MOSMO: variants seen among roughly 807,000 people sequenced by gnomAD.
MOSMO encodes modulator of smoothened protein.
Under a neutral mutation model 18.4 loss-of-function variants are expected in MOSMO, and 5 were observed. The ratio of observed to expected loss-of-function variants is 0.27; its 90% CI spans 0.14 to 0.57. MOSMO has a LOEUF of 0.57. Among genes scored for constraint, MOSMO ranks in the 20% least tolerant of loss-of-function variants. The pLI is 0.92. For synonymous variants in MOSMO, 82 were observed against 82.3 expected (o/e 1.00, Z 0.02); for missense variants, 138 against 211.8 (o/e 0.65, Z 2.16).
chr16:22,052,498 A>G (rs1436214540), intron 1 of MOSMO, among the ~76,000 whole-genome samples: 4 of 152,230 alleles, frequency 2.6e-5, no homozygotes, highest in Non-Finnish European at 4.4e-5. Context: ...ATAACCTACC[A>G]GTTTTACTTA....
intron 1 of MOSMO, among the ~76,000 whole-genome samples, chr16:22,027,756 CT>C (rs1340262227): frequency 6.6e-6 from 1 of 152,170 alleles, no homozygotes; most frequent in Non-Finnish European, 1.5e-5. Flanking sequence ...AGAAAGCAAG[CT>C]GCTAAACACC....
intron 1 of MOSMO, among the ~76,000 whole-genome samples, chr16:22,060,198 A>G (rs1900614582): frequency 6.6e-6 from 1 of 152,070 alleles, no homozygotes; most frequent in Non-Finnish European, 1.5e-5. Flanking sequence ...GAAAAATTGG[A>G]CTCAAAATAT....
chr16:22,035,616 T>C (rs1900092719), intron 1 of MOSMO, among the ~76,000 whole-genome samples: 1 of 152,200 alleles, frequency 6.6e-6, no homozygotes, highest in South Asian at 2.1e-4. Context: ...TCCGCACCTA[T>C]AACTTGTGAT....
downstream of MOSMO, chr16:22,084,732 T>C (rs1901140197): frequency 6.6e-6 from 1 of 152,194 alleles, no homozygotes; most frequent in Non-Finnish European, 1.5e-5. Context: ...CAAGTGCCAC[T>C]TCCATGCCTC....
intron 1 of MOSMO, among the ~76,000 whole-genome samples, chr16:22,009,711 A>G (rs1899478201): frequency 7.0e-6 from 1 of 143,262 alleles, no homozygotes; most frequent in South Asian, 2.3e-4. Context: ...CTGTAATCCC[A>G]GCACTTTGGG....
Position 22,080,955 on chromosome 16 carries a change from C to T in MOSMO, c.*75C>T. ...TTTTATTTTTGGAGGGTGGAGAGGACAAAGGCGAGGCATCTGAGCAGGCCT... is the reference window on the plus strand; with the variant it reads ...TTTTATTTTTGGAGGGTGGAGAGGATAAAGGCGAGGCATCTGAGCAGGCCT... On this transcript the variant is annotated 3_prime_UTR_variant, in exon 3 of 3. Coordinates refer to ENST00000542527, the MANE Select transcript of MOSMO (RefSeq NM_001164579.2). 1 of 687,296 alleles carries T rather than the reference C, an allele frequency of 1.5e-6. No individual in the cohort carries two copies. Among genetic ancestry groups the T allele is most frequent in the Non-Finnish European group, 2.1e-6 (1 of 484,868 alleles). The allele number at this position is 687,296 out of a possible 1,614,324, so 42.6% of individuals were successfully genotyped here. A position where few individuals can be genotyped will look rare whatever the true frequency, so the allele number is the denominator to read the frequency against.
chr16:22,083,685 A>C lies in MOSMO; in HGVS notation c.*2805A>C, dbSNP rs1244340345. ...GTTTCATTGTTTTTAGAGTGTGTGC[A>C]TTCTTCTCATACCTAAGAATATCAC... On this transcript the variant is annotated 3_prime_UTR_variant, in exon 3 of 3. Transcript: ENST00000542527. 2.2e-6 allele frequency: 1 copy of C among 453,834 alleles called. No individual in the cohort carries two copies. Among genetic ancestry groups the C allele is most frequent in the Non-Finnish European group, 4.4e-6 (1 of 226,262 alleles). The allele number at this position is 453,834 out of a possible 1,614,324, so 28.1% of individuals were successfully genotyped here.
chr16:22,069,680 TC>T lies in MOSMO; in HGVS notation c.107-5806del, dbSNP rs575209790. On this transcript the variant is annotated intron_variant, in intron 1 of 2. Coordinates refer to ENST00000542527, the MANE Select transcript of MOSMO (RefSeq NM_001164579.2). ...TGGAGTGAGTGAGCTTCACAAGAGCTCTATCAAAATGGTAGTTGGGGCAAAA... is the reference window on the plus strand; with the variant it reads ...TGGAGTGAGTGAGCTTCACAAGAGCTTATCAAAATGGTAGTTGGGGCAAAA... 5.3e-3 allele frequency among the ~76,000 whole-genome samples: 811 copies of T among 152,236 alleles called. 4 individuals carry two copies. The highest frequency in any genetic ancestry group is 0.01 in the Middle Eastern group (3 of 294).
chr16:22,059,772 G>T (rs939553610), intron 1 of MOSMO, among the ~76,000 whole-genome samples: 1 of 150,274 alleles, frequency 6.7e-6, no homozygotes, highest in Non-Finnish European at 1.5e-5. Context: ...CAACATGTGG[G>T]GATTATGGGG....
chr16:22,049,482 A>G (rs1900380812), intron 1 of MOSMO, among the ~76,000 whole-genome samples: 1 of 151,968 alleles, frequency 6.6e-6, no homozygotes, highest in Non-Finnish European at 1.5e-5. Flanking sequence ...TATACTTTTG[A>G]TGTTCTGTAT....
chr16:22,019,868 A>G (rs187357003), intron 1 of MOSMO, among the ~76,000 whole-genome samples: 1 of 152,290 alleles, frequency 6.6e-6, no homozygotes, highest in Admixed American at 6.5e-5. Flanking sequence ...AAATTGCTAC[A>G]TATCAAATTA....
intron 1 of MOSMO, among the ~76,000 whole-genome samples, chr16:22,023,905 C>T (rs1899816320): frequency 6.6e-6 from 1 of 151,278 alleles, no homozygotes. Flanking sequence ...AACCTGTTTT[C>T]TCTTGTATAG....
chr16:22,089,770 T>C (rs1281545722), downstream of MOSMO, among the ~76,000 whole-genome samples: 1 of 152,102 alleles, frequency 6.6e-6, no homozygotes, highest in Non-Finnish European at 1.5e-5. Flanking sequence ...AACTCCTGTG[T>C]CTGGACTCTT....
chr16:22,024,688 A>G (rs1899839516), intron 1 of MOSMO, among the ~76,000 whole-genome samples: 1 of 152,184 alleles, frequency 6.6e-6, no homozygotes, highest in East Asian at 1.9e-4. Context: ...ATAGTGGGAA[A>G]GTTATGATAC....
chr16:22,071,359 C>A (rs76332604), intron 1 of MOSMO, among the ~76,000 whole-genome samples: 1 of 152,186 alleles, frequency 6.6e-6, no homozygotes, highest in African/African-American at 2.4e-5. Flanking sequence ...CTCTCTCTGG[C>A]CAGGTTGGCA....
intron 1 of MOSMO, among the ~76,000 whole-genome samples, chr16:22,032,881 C>A (rs1425254241): frequency 6.6e-6 from 1 of 152,046 alleles, no homozygotes; most frequent in Non-Finnish European, 1.5e-5. Flanking sequence ...GGGTAGGGGT[C>A]CAAACTCATT....
intron 1 of MOSMO, among the ~76,000 whole-genome samples, chr16:22,021,231 G>A (rs1443867905): frequency 2.0e-5 from 3 of 152,172 alleles, no homozygotes; most frequent in Admixed American, 2.0e-4. Context: ...TCTATGGTTG[G>A]ATAGAGTAAG....
At chr16:22,009,856 G>C (rs1207403889) in intron 1 of MOSMO, among the ~76,000 whole-genome samples, 1 of 149,810 alleles carries the variant, frequency 6.7e-6, no homozygotes, top group East Asian at 2.0e-4. Flanking sequence ...GCCGGGCATG[G>C]TGGCGTGCAC....
intron 1 of MOSMO, among the ~76,000 whole-genome samples, chr16:22,064,775 A>G (rs1405892859): frequency 6.6e-6 from 1 of 152,168 alleles, no homozygotes; most frequent in East Asian, 1.9e-4. Context: ...GGATTTATCT[A>G]CACTTAGATA....
Sources: gnomAD v4.1 joint callset for allele counts (sites outside exome capture counted in the v4.1 genomes callset) on GRCh38, gnomAD v4.1.1 for gene constraint, MANE v1.5 for transcripts, NCBI Gene and HGNC (gene_info 2026-07-23, HGNC 2026-07-21) for gene names.